The following DTL variants were observed in gnomAD, a reference collection of about 807,000 sequenced individuals.
The protein encoded by DTL is denticleless E3 ubiquitin protein ligase adapter, also known as denticleless protein homolog.
DTL carries 46 observed loss-of-function variants against 87.0 expected under a neutral mutation model. The observed-to-expected ratio is 0.53, with a 90% CI of 0.42 to 0.68. The LOEUF (loss-of-function observed/expected upper bound fraction) is 0.68, where lower values mean the gene tolerates loss of function less well. Among genes scored for constraint, DTL ranks in the 30% least tolerant of loss-of-function variants. The pLI is 0.00. For synonymous variants in DTL, 308 were observed against 311.2 expected (o/e 0.99, Z 0.11); for missense variants, 737 against 869.4 (o/e 0.85, Z 1.91).
chr1:212,100,387 C>T lies in DTL; in HGVS notation c.1397C>T (p.Thr466Met), dbSNP rs752043788. 5.6e-6 allele frequency: 9 copies of T among 1,613,842 alleles called. No homozygotes were observed. In the Admixed American group the frequency reaches 8.3e-5, roughly 15 times the overall value. ...CTCCCTCTTCCTTCAAATACTCCTA[C>T]GTTCTCTATTAAAACCTCTCCTGCC... ...GDLPLPSNTP[T>M]FSIKTSPAKA... Residue 466 changes from threonine to methionine, a missense_variant, in exon 14 of 15, where the codon ACG becomes ATG. Thr to Met is a moderately conservative substitution (Grantham distance 81, BLOSUM62 -1). Coordinates refer to ENST00000366991, the MANE Select transcript of DTL (RefSeq NM_016448.4).
At chr1:212,037,942 G>T (rs1578993) in intron 1 of DTL, among the ~76,000 whole-genome samples, 93,319 of 152,052 alleles carry the variant, frequency 0.61, 29,064 homozygotes, top group Non-Finnish European at 0.66. Context: ...ATTTTACAAT[G>T]ATTTGTATTC....
chr1:212,068,907 G>A (rs183076180), intron 10 of DTL, among the ~76,000 whole-genome samples: 231 of 152,290 alleles, frequency 1.5e-3, no homozygotes, highest in African/African-American at 5.4e-3. Context: ...GCTTTACATG[G>A]TGACTTTATT....
intron 5 of DTL, among the ~76,000 whole-genome samples, chr1:212,058,225 C>T (rs910647148): frequency 3.9e-5 from 6 of 152,136 alleles, no homozygotes; most frequent in African/African-American, 1.4e-4. Context: ...ATTTACAGAA[C>T]ATTTCATCCA....
chr1:212,052,742 T>TA lies in DTL; in HGVS notation c.460+5325_460+5326insA, dbSNP rs1571947659. Among the ~76,000 whole-genome samples, 13 of 147,610 alleles carry TA rather than the reference T, an allele frequency of 8.8e-5. No homozygotes were observed. The East Asian group carries it at 1.7e-3, about 20-fold the overall frequency. ...ACCTTAATTACCCATATATATATAT[T>TA]TTTTTTCAATTACTCATGTATTTGA... is the stretch of plus-strand genomic sequence containing the variant. On this transcript the variant is annotated intron_variant, in intron 5 of 14. Coordinates refer to ENST00000366991, the MANE Select transcript of DTL (RefSeq NM_016448.4).
chr1:212,094,100 G>A (rs569086986), intron 13 of DTL, among the ~76,000 whole-genome samples: 6 of 152,202 alleles, frequency 3.9e-5, no homozygotes, highest in Middle Eastern at 3.4e-3. Flanking sequence ...AAGCTTTTTC[G>A]TTTAATTAAG....
chr1:212,062,440 C>G (rs1654356418), intron 5 of DTL, among the ~76,000 whole-genome samples: 1 of 152,106 alleles, frequency 6.6e-6, no homozygotes, highest in Non-Finnish European at 1.5e-5. Flanking sequence ...AGTGTAAGCT[C>G]TGGATTCATA....
intron 14 of DTL, among the ~76,000 whole-genome samples, chr1:212,101,442 A>G (rs1031842609): frequency 3.3e-5 from 5 of 152,150 alleles, no homozygotes; most frequent in Admixed American, 1.3e-4. Context: ...TATCAATTCA[A>G]AAATATCTCC....
intron 12 of DTL, among the ~76,000 whole-genome samples, chr1:212,078,868 T>G (rs1571969926): frequency 6.6e-6 from 1 of 152,170 alleles, no homozygotes; most frequent in Non-Finnish European, 1.5e-5. Flanking sequence ...TATGTATCTA[T>G]TGGAATTGCA....
At chr1:212,060,110 C>T (rs1475843587) in intron 5 of DTL, among the ~76,000 whole-genome samples, 2 of 152,204 alleles carry the variant, frequency 1.3e-5, no homozygotes, top group East Asian at 3.9e-4. Context: ...AAGCAATCTA[C>T]AGATTCAGTG....
intron 13 of DTL, among the ~76,000 whole-genome samples, chr1:212,087,647 G>C (rs1023944330): frequency 5.9e-5 from 9 of 152,058 alleles, no homozygotes; most frequent in Non-Finnish European, 1.2e-4. Flanking sequence ...TGATGCTAGG[G>C]TTACTCTGAA....
At chr1:212,068,369 G>GT in intron 9 of DTL, 42 bp downstream of exon 9, 2 of 948,200 alleles carry the variant, frequency 2.1e-6, no homozygotes, top group Non-Finnish European at 2.9e-6. Flanking sequence ...AAGAGTTTTT[G>GT]TTTAAAAAAA....
rs113619589 is a variant in DTL, at chr1:212,041,173, G to A, written c.53-1820G>A. The stretch of plus-strand genomic sequence containing the variant: ...AAAAGTAGCTTAGGGTGGTTCATCA[G>A]TGAAGTGTGTATTGCAGGGATTGCA... On this transcript the variant is annotated intron_variant, in intron 1 of 14. Transcript: ENST00000366991. Among the ~76,000 whole-genome samples the A allele has an allele frequency of 9.2e-5, 14 of 152,286 alleles. 1 individual carries two copies. Among genetic ancestry groups the A allele is most frequent in the African/African-American group, 3.4e-4 (14 of 41,556 alleles).
intron 13 of DTL, among the ~76,000 whole-genome samples, chr1:212,085,657 T>G (rs1345946811): frequency 1.3e-5 from 2 of 151,030 alleles, no homozygotes; most frequent in African/African-American, 4.8e-5. Flanking sequence ...AAGTTCAGTT[T>G]ATCTGTTTTT....
chr1:212,062,652 A>T (rs1425674683), intron 5 of DTL, among the ~76,000 whole-genome samples: 1 of 152,206 alleles, frequency 6.6e-6, no homozygotes, highest in East Asian at 1.9e-4. Flanking sequence ...TATGGGTTTT[A>T]AAAAATTTAC....
chr1:212,097,314 A>T (rs1275751771), intron 13 of DTL, among the ~76,000 whole-genome samples: 2 of 151,956 alleles, frequency 1.3e-5, no homozygotes, highest in African/African-American at 4.8e-5. Context: ...TAGCCTGATG[A>T]CTGTGTGTCT....
intron 13 of DTL, among the ~76,000 whole-genome samples, chr1:212,089,178 G>A (rs899288054): frequency 2.6e-5 from 4 of 152,194 alleles, no homozygotes; most frequent in African/African-American, 9.7e-5. Context: ...CAATAACTCA[G>A]TCTATGCTAC....
At chr1:212,039,890 T>TGTGAGTGAATC (rs1169278612) in intron 1 of DTL, among the ~76,000 whole-genome samples, 2 of 152,174 alleles carry the variant, frequency 1.3e-5, no homozygotes, top group Non-Finnish European at 2.9e-5. Flanking sequence ...TGGGGGTTGC[T>TGTGAGTGAATC]GTGAGTGAAT....
intron 5 of DTL, among the ~76,000 whole-genome samples, chr1:212,047,691 ATGCC>A (rs1667848418): frequency 6.6e-6 from 1 of 152,152 alleles, no homozygotes; most frequent in South Asian, 2.1e-4. Flanking sequence ...GCACATCACC[ATGCC>A]CAGCTAATTT....
chr1:212,099,338 A>G (rs1655542941), intron 13 of DTL, among the ~76,000 whole-genome samples: 1 of 151,096 alleles, frequency 6.6e-6, no homozygotes, highest in East Asian at 2.0e-4. Flanking sequence ...GGTTCAAGCA[A>G]CTCTTCTGCC....
Sources: allele counts gnomAD v4.1 joint callset (sites outside exome capture counted in the v4.1 genomes callset), GRCh38; gene constraint gnomAD v4.1.1; transcripts MANE v1.5; gene names NCBI Gene and HGNC (gene_info 2026-07-23, HGNC 2026-07-21).